The following SORT1 variants were observed in gnomAD, a reference collection of about 807,000 sequenced individuals.
SORT1 encodes sortilin 1, also known as sortilin.
Under a neutral mutation model 101.7 loss-of-function variants are expected in SORT1, and 39 were observed. The ratio of observed to expected loss-of-function variants is 0.38; its 90% CI spans 0.30 to 0.50. The LOEUF is 0.50. Ranked by LOEUF, SORT1 falls within the 20% of genes least tolerant of loss-of-function variation. SORT1 has a pLI of 0.90. For synonymous variants in SORT1, 396 were observed against 393.7 expected (o/e 1.01, Z -0.07); for missense variants, 878 against 1,040.4 (o/e 0.84, Z 2.15).
At chr1:109,339,232 T>C (rs1649051215) in intron 10 of SORT1, among the ~76,000 whole-genome samples, 1 of 152,150 alleles carries the variant, frequency 6.6e-6, no homozygotes, top group Non-Finnish European at 1.5e-5. Flanking sequence ...TCCCTCCCCA[T>C]TCCTGCCTAT....
chr1:109,378,963 T>G (rs1652050777), intron 1 of SORT1, among the ~76,000 whole-genome samples: 1 of 150,594 alleles, frequency 6.6e-6, no homozygotes, highest in Admixed American at 6.6e-5. Context: ...ACCAATATGG[T>G]GAAACTCCGT....
chr1:109,352,888 G>T (rs1265403171), intron 5 of SORT1, among the ~76,000 whole-genome samples: 1 of 152,190 alleles, frequency 6.6e-6, no homozygotes, highest in Non-Finnish European at 1.5e-5. Context: ...AGTCAAAGGG[G>T]AGCTCTATGG....
intron 1 of SORT1, among the ~76,000 whole-genome samples, chr1:109,370,422 A>G (rs1176709720): frequency 6.6e-6 from 1 of 152,146 alleles, no homozygotes; most frequent in Non-Finnish European, 1.5e-5. Context: ...ATATGTATTA[A>G]TACAATCGTC....
intron 15 of SORT1, 49 bp downstream of exon 15, chr1:109,322,883 C>T (rs369201363): frequency 3.4e-6 from 5 of 1,479,566 alleles, no homozygotes; most frequent in Non-Finnish European, 4.7e-6. Flanking sequence ...TGTCTTTCAC[C>T]TCCTCCAACA....
chr1:109,334,156 A>T (rs1459258102), intron 11 of SORT1, among the ~76,000 whole-genome samples: 1 of 151,984 alleles, frequency 6.6e-6, no homozygotes, highest in Non-Finnish European at 1.5e-5. Context: ...TAAAAAAAAG[A>T]AAAAAAAGAA....
intron 8 of SORT1, among the ~76,000 whole-genome samples, chr1:109,342,831 G>A (rs1159300174): frequency 6.6e-6 from 1 of 152,032 alleles, no homozygotes. Flanking sequence ...TTAACTCTCT[G>A]ATAAATAGCT....
intron 3 of SORT1, among the ~76,000 whole-genome samples, chr1:109,365,810 C>T (rs2101621652): frequency 6.6e-6 from 1 of 152,292 alleles, no homozygotes; most frequent in East Asian, 1.9e-4. Flanking sequence ...TGCTGCCTCT[C>T]TGGGACCAAC....
intron 6 of SORT1, 142 bp from the exon 7 acceptor site, chr1:109,347,674 T>TG: frequency 1.7e-6 from 1 of 603,404 alleles, no homozygotes; most frequent in Non-Finnish European, 3.1e-6. Flanking sequence ...CGCTGAGCCC[T>TG]GGTCCTTCAC....
intron 3 of SORT1, among the ~76,000 whole-genome samples, chr1:109,366,203 A>T (rs1180053748): frequency 6.6e-6 from 1 of 152,098 alleles, no homozygotes; most frequent in Non-Finnish European, 1.5e-5. Context: ...TGAGAAGACA[A>T]CTCTAAAACT....
At chr1:109,344,059 AC>A (rs1219118845) in intron 8 of SORT1, among the ~76,000 whole-genome samples, 2 of 152,162 alleles carry the variant, frequency 1.3e-5, no homozygotes, top group Non-Finnish European at 2.9e-5. Flanking sequence ...TCTTAAAGGT[AC>A]CCTTGATTCC....
In SORT1 at chr1:109,363,907, T is replaced by C. The variant is rs181741437; in HGVS notation, c.440+3501A>G. ...AACAGTTGCCTCTTGGTTGGCATGT[T>C]TGACATGGTTGACTTGGTTGGCCAG... is the stretch of plus-strand genomic sequence containing the variant. On this transcript the variant is annotated intron_variant, in intron 3 of 19. Coordinates refer to ENST00000256637, the MANE Select transcript of SORT1 (RefSeq NM_002959.7). Among the ~76,000 whole-genome samples, 32 of 152,316 alleles carry C rather than the reference T, an allele frequency of 2.1e-4. 2 individuals are homozygous for C. Among genetic ancestry groups the C allele is most frequent in the Admixed American group, 1.1e-3 (17 of 15,296 alleles).
At chr1:109,335,211 C>T (rs1400478197) in intron 11 of SORT1, among the ~76,000 whole-genome samples, 1 of 152,124 alleles carries the variant, frequency 6.6e-6, no homozygotes, top group Non-Finnish European at 1.5e-5. Context: ...AGAACCTTTA[C>T]TCACCAGGTC....
intron 8 of SORT1, among the ~76,000 whole-genome samples, chr1:109,345,014 A>C (rs1045609086): frequency 3.3e-5 from 5 of 151,956 alleles, no homozygotes; most frequent in African/African-American, 9.7e-5. Context: ...TTATTTTTTG[A>C]GTATTTATTT....
intron 11 of SORT1, among the ~76,000 whole-genome samples, chr1:109,332,497 G>A (rs1256702113): frequency 6.6e-6 from 1 of 152,126 alleles, no homozygotes; most frequent in African/African-American, 2.4e-5. Flanking sequence ...GTGAGCCTAG[G>A]AGTTTGAGGC....
At chr1:109,378,698 TGATATATA>T (rs1290096395) in intron 1 of SORT1, among the ~76,000 whole-genome samples, 28 of 62,166 alleles carry the variant, frequency 4.5e-4, no homozygotes, top group African/African-American at 1.1e-3. Flanking sequence ...GTAGAGTGAA[TGATATATA>T]TATATATATA....
rs986723781 is a variant in SORT1, at chr1:109,313,779, T to C, written c.*264A>G. 1.9e-6 allele frequency: 1 copy of C among 521,412 alleles called. No individual in the cohort carries two copies. The allele number at this position is 521,412 out of a possible 1,614,324, so 32.3% of individuals were successfully genotyped here. A position where few individuals can be genotyped will look rare whatever the true frequency, so the allele number is the denominator to read the frequency against. On this transcript the variant is annotated 3_prime_UTR_variant, in exon 20 of 20. Transcript: ENST00000256637. ...AACAAAAACAAAAAAGCCCATACTT[T>C]GCAAAGAGACAGGACGAGAAATAAG...
At chr1:109,385,628 C>T (rs1652527221) in intron 1 of SORT1, among the ~76,000 whole-genome samples, 1 of 152,160 alleles carries the variant, frequency 6.6e-6, no homozygotes, top group East Asian at 1.9e-4. Flanking sequence ...GGGCGCTAAC[C>T]CCTTCCCCCA....
At chr1:109,322,818 G>T in intron 15 of SORT1, 114 bp downstream of exon 15, 1 of 816,826 alleles carries the variant, frequency 1.2e-6, no homozygotes, top group Non-Finnish European at 1.9e-6. Context: ...GGGATTACAG[G>T]TGTGAGCCAC....
intron 15 of SORT1, among the ~76,000 whole-genome samples, chr1:109,319,791 C>T (rs1647497873): frequency 2.0e-5 from 3 of 151,320 alleles, no homozygotes; most frequent in African/African-American, 4.9e-5. Flanking sequence ...CGCTTGAACC[C>T]GGGAGGTGGA....
Sources: gnomAD v4.1 joint callset for allele counts (sites outside exome capture counted in the v4.1 genomes callset) on GRCh38, gnomAD v4.1.1 for gene constraint, MANE v1.5 for transcripts, NCBI Gene and HGNC (gene_info 2026-07-23, HGNC 2026-07-21) for gene names.